GLIS3: variants seen among roughly 807,000 people sequenced by gnomAD.
GLIS3 encodes the protein zinc finger protein GLIS3.
GLIS3 carries 53 observed loss-of-function variants against 78.6 expected under a neutral mutation model. That is an observed-to-expected ratio of 0.67 (90% CI 0.54 to 0.85). The LOEUF is 0.85. Ranked by LOEUF, GLIS3 falls within the 40% of genes least tolerant of loss-of-function variation. The probability of loss-of-function intolerance (pLI) is 0.00; values close to 1 mark genes in which losing one functional copy is unlikely to be tolerated. For synonymous variants in GLIS3, 684 were observed against 509.9 expected (o/e 1.34, Z -4.60); for missense variants, 1,703 against 1,231.1 (o/e 1.38, Z -5.74).
At chr9:3,946,842 A>C (rs1816327252) in intron 4 of GLIS3, among the ~76,000 whole-genome samples, 1 of 152,232 alleles carries the variant, frequency 6.6e-6, no homozygotes, top group African/African-American at 2.4e-5. Flanking sequence ...AGCTGAGCTA[A>C]TATGCTGTCA....
chr9:4,310,683 G>C (rs961157120), intron 2 of GLIS3, among the ~76,000 whole-genome samples: 9 of 152,162 alleles, frequency 5.9e-5, no homozygotes, highest in African/African-American at 2.2e-4. Context: ...TTGCAAGCAT[G>C]TGTGACACCA....
At chr9:4,073,695 A>C (rs1185004573) in intron 4 of GLIS3, among the ~76,000 whole-genome samples, 1 of 152,216 alleles carries the variant, frequency 6.6e-6, no homozygotes, top group Non-Finnish European at 1.5e-5. Flanking sequence ...CCTACGCGGC[A>C]GTCGGATTAC....
chr9:4,243,019 A>G (rs1207793064), intron 2 of GLIS3, among the ~76,000 whole-genome samples: 61 of 152,192 alleles, frequency 4.0e-4, no homozygotes, highest in Admixed American at 4.0e-3. Context: ...ATGAGGTTTT[A>G]GTATATTCCA....
chr9:4,145,929 T>C (rs1397652345), intron 2 of GLIS3, among the ~76,000 whole-genome samples: 2 of 152,194 alleles, frequency 1.3e-5, no homozygotes, highest in Non-Finnish European at 2.9e-5. Flanking sequence ...AAAAAGGTCA[T>C]TTCCAAGAAA....
intron 2 of GLIS3, among the ~76,000 whole-genome samples, chr9:4,182,245 G>A (rs1307305772): frequency 2.0e-5 from 3 of 152,288 alleles, no homozygotes; most frequent in East Asian, 3.9e-4. Flanking sequence ...GAGCAGTAGT[G>A]TGTAAAAAAT....
intron 2 of GLIS3, among the ~76,000 whole-genome samples, chr9:4,129,495 A>C (rs1832807863): frequency 6.6e-6 from 1 of 152,004 alleles, no homozygotes; most frequent in African/African-American, 2.4e-5. Context: ...TGCTGTTTTC[A>C]TGATAAGTGT....
In GLIS3 at chr9:4,275,946, A is replaced by G. The variant is rs529688009; in HGVS notation, c.388+10092T>C. On this transcript the variant is annotated intron_variant, in intron 2 of 10. Transcript: ENST00000381971. ...TATGAAAGTTTGTGAACTACAAAGT[A>G]CTGTACAAGTCCAAGGCTGTTCCCC... Among the ~76,000 whole-genome samples the G allele has an allele frequency of 2.6e-5, 4 of 152,260 alleles. No individual in the cohort carries two copies. In the East Asian group the frequency reaches 7.7e-4, roughly 29 times the overall value.
intron 2 of GLIS3, among the ~76,000 whole-genome samples, chr9:4,159,176 G>T (rs544848879): frequency 6.6e-6 from 1 of 152,086 alleles, no homozygotes; most frequent in African/African-American, 2.4e-5. Context: ...ACTTGAATTT[G>T]CATCACTAGT....
chr9:4,016,094 G>A (rs1471280537), intron 4 of GLIS3, among the ~76,000 whole-genome samples: 3 of 152,002 alleles, frequency 2.0e-5, no homozygotes, highest in East Asian at 1.9e-4. Flanking sequence ...TTTCTTCTCT[G>A]CATAAGTCAT....
chr9:3,861,113 C>A (rs770394564), intron 8 of GLIS3, among the ~76,000 whole-genome samples: 1 of 152,112 alleles, frequency 6.6e-6, no homozygotes, highest in Non-Finnish European at 1.5e-5. Flanking sequence ...ATGGAATGAT[C>A]GATTGAATGT....
At chr9:4,391,501 G>A in the GLIS3 span, among the ~76,000 whole-genome samples, 1 of 151,850 alleles carries the variant, frequency 6.6e-6, no homozygotes, top group Non-Finnish European at 1.5e-5. Flanking sequence ...CCTGGCACCA[G>A]GTTCAAGTAG....
chr9:3,913,877 G>A (rs946795981), intron 6 of GLIS3, among the ~76,000 whole-genome samples: 17 of 152,122 alleles, frequency 1.1e-4, no homozygotes, highest in Non-Finnish European at 1.8e-4. Flanking sequence ...TCACATGAAA[G>A]GTACTCTATA....
At chr9:4,040,423 A>T (rs1168618492) in intron 4 of GLIS3, among the ~76,000 whole-genome samples, 1 of 152,220 alleles carries the variant, frequency 6.6e-6, no homozygotes, top group African/African-American at 2.4e-5. Flanking sequence ...AGTCTCTTTC[A>T]ATAACAAACT....
chr9:4,066,128 T>G (rs537938677), intron 4 of GLIS3, among the ~76,000 whole-genome samples: 182 of 152,104 alleles, frequency 1.2e-3, no homozygotes, highest in African/African-American at 4.2e-3. Flanking sequence ...TTCTATTTAA[T>G]GCCTATTTCA....
chr9:4,065,823 C>A (rs1246581351), intron 4 of GLIS3, among the ~76,000 whole-genome samples: 1 of 151,688 alleles, frequency 6.6e-6, no homozygotes, highest in Non-Finnish European at 1.5e-5. Flanking sequence ...ATATTTTAGC[C>A]CTGAGATGAT....
At chr9:3,906,579 G>A (rs1475589936) in intron 6 of GLIS3, among the ~76,000 whole-genome samples, 2 of 152,080 alleles carry the variant, frequency 1.3e-5, no homozygotes, top group African/African-American at 2.4e-5. Context: ...ACATCCAGGC[G>A]GAGAGAACCT....
At chr9:4,259,197 T>C (rs1825272154) in intron 2 of GLIS3, among the ~76,000 whole-genome samples, 1 of 152,136 alleles carries the variant, frequency 6.6e-6, no homozygotes, top group Non-Finnish European at 1.5e-5. Context: ...ATGGAGAAAC[T>C]TCAGATTTCA....
chr9:4,456,114 A>G, the GLIS3 span, among the ~76,000 whole-genome samples: 4 of 152,216 alleles, frequency 2.6e-5, no homozygotes, highest in African/African-American at 4.8e-5. Context: ...TCTAAGAAAA[A>G]AAAAAAGTTG....
chr9:4,001,845 C>T (rs1315682801), intron 4 of GLIS3, among the ~76,000 whole-genome samples: 3 of 152,088 alleles, frequency 2.0e-5, no homozygotes, highest in South Asian at 4.2e-4. Flanking sequence ...TTCATTGTTC[C>T]CAAACTGGTC....
Sources: allele counts gnomAD v4.1 joint callset (sites outside exome capture counted in the v4.1 genomes callset), GRCh38; gene constraint gnomAD v4.1.1; transcripts MANE v1.5; gene names NCBI Gene and HGNC (gene_info 2026-07-23, HGNC 2026-07-21).